Variants in RC3H1 observed in about 807,000 individuals in gnomAD.
The protein encoded by RC3H1 is ring finger and CCCH-type domains 1, also known as roquin-1.
Under a neutral mutation model 138.2 loss-of-function variants are expected in RC3H1, and 50 were observed. That is an observed-to-expected ratio of 0.36 (90% CI 0.29 to 0.46). RC3H1 has a LOEUF of 0.46. Ranked by LOEUF, RC3H1 falls within the 20% of genes least tolerant of loss-of-function variation. The probability of loss-of-function intolerance (pLI) is 1.00; values close to 1 mark genes in which losing one functional copy is unlikely to be tolerated. For synonymous variants in RC3H1, 462 were observed against 489.1 expected (o/e 0.94, Z 0.73); for missense variants, 1,031 against 1,388.1 (o/e 0.74, Z 4.09).
At chr1:173,963,946 T>A in intron 11 of RC3H1, 27 bp downstream of exon 11, 4 of 1,587,284 alleles carry the variant, frequency 2.5e-6, no homozygotes, top group Non-Finnish European at 3.5e-6. Context: ...CTAAGAAAAG[T>A]TAGCAATATA....
chr1:173,972,181 A>G (rs1451232425), intron 8 of RC3H1, among the ~76,000 whole-genome samples: 1 of 152,224 alleles, frequency 6.6e-6, no homozygotes, highest in Non-Finnish European at 1.5e-5. Flanking sequence ...AACTAAAGAG[A>G]ATAATAATCT....
chr1:174,006,724 A>G (rs1416926584), intron 1 of RC3H1, among the ~76,000 whole-genome samples: 2 of 152,210 alleles, frequency 1.3e-5, no homozygotes, highest in Admixed American at 6.5e-5. Flanking sequence ...TGTTTATTAA[A>G]AAGAAAAAAT....
intron 17 of RC3H1, among the ~76,000 whole-genome samples, chr1:173,945,479 A>G (rs1191518110): frequency 6.6e-6 from 1 of 152,120 alleles, no homozygotes; most frequent in Non-Finnish European, 1.5e-5. Flanking sequence ...AGCATGATGG[A>G]AAGAACACTG....
Position 173,941,480 on chromosome 1 carries a change from T to A in RC3H1, c.3136-100A>T, listed in dbSNP as rs1337739887. ...ATACAAAGTGATGATCCAGAAATCATATTCAATTTTGTAAAATAACCAAAG... is the reference window on the plus strand; with the variant it reads ...ATACAAAGTGATGATCCAGAAATCAAATTCAATTTTGTAAAATAACCAAAG... On this transcript the variant is annotated intron_variant, in intron 18 of 19. Coordinates refer to ENST00000367696, the MANE Select transcript of RC3H1 (RefSeq NM_172071.4). 3 of 710,506 alleles carry A rather than the reference T, an allele frequency of 4.2e-6. No individual in the cohort carries two copies. The East Asian group carries it at 7.7e-5, about 18-fold the overall frequency. The allele number at this position is 710,506 out of a possible 1,614,324, so 44.0% of individuals were successfully genotyped here.
chr1:173,990,881 C>T (rs560693299), intron 2 of RC3H1, among the ~76,000 whole-genome samples: 8 of 152,270 alleles, frequency 5.3e-5, no homozygotes, highest in South Asian at 2.1e-4. Flanking sequence ...GGATTACAGG[C>T]GTGAACCACT....
At chr1:173,950,468 T>C (rs1346751576) in intron 14 of RC3H1, among the ~76,000 whole-genome samples, 2 of 145,002 alleles carry the variant, frequency 1.4e-5, no homozygotes, top group African/African-American at 2.7e-5. Flanking sequence ...CACACATCTG[T>C]GTCCCAGCTA....
Position 173,938,771 on chromosome 1 carries a change from C to T in RC3H1, c.3352G>A (p.Asp1118Asn), listed in dbSNP as rs990451693. 7.4e-6 allele frequency: 12 copies of T among 1,613,208 alleles called. No homozygotes were observed. Among genetic ancestry groups the T allele is most frequent in the Non-Finnish European group, 1.0e-5 (12 of 1,179,306 alleles). ...NLSEDPEGGGDNNDSQRSGVT... is the reference protein window; with the variant it reads ...NLSEDPEGGGNNNDSQRSGVT... ...CCTGATCTCTGGGAGTCATTATTAT[C>T]CCCTCCTCCCTCAGGGTCCTCTGAC... Residue 1118 changes from aspartate (D) to asparagine (N), a missense_variant, in exon 20 of 20, where the codon GAT becomes AAT. Coordinates refer to ENST00000367696, the MANE Select transcript of RC3H1 (RefSeq NM_172071.4).
At chr1:173,959,256 G>GTATTT (rs1457594842) in intron 13 of RC3H1, among the ~76,000 whole-genome samples, 33 of 152,160 alleles carry the variant, frequency 2.2e-4, no homozygotes, top group African/African-American at 7.5e-4. Context: ...CAAGCCTGCT[G>GTATTT]AATAGAAGGG....
chr1:173,980,492 T>C (rs1226417302), intron 6 of RC3H1, among the ~76,000 whole-genome samples: 1 of 151,986 alleles, frequency 6.6e-6, no homozygotes, highest in East Asian at 1.9e-4. Flanking sequence ...AAATGTTCAT[T>C]ATTTTTTTTT....
At chr1:173,986,631 C>T (rs572835954) in intron 2 of RC3H1, among the ~76,000 whole-genome samples, 3 of 152,196 alleles carry the variant, frequency 2.0e-5, no homozygotes, top group South Asian at 2.1e-4. Flanking sequence ...GGCACAATCT[C>T]GGCTCACTGC....
At chr1:174,019,874 G>A (rs1661926321) in intron 1 of RC3H1, among the ~76,000 whole-genome samples, 1 of 151,760 alleles carries the variant, frequency 6.6e-6, no homozygotes, top group Non-Finnish European at 1.5e-5. Flanking sequence ...TAAATTGCTG[G>A]GTCAATAACC....
At chr1:174,016,771 A>G (rs1233162405) in intron 1 of RC3H1, among the ~76,000 whole-genome samples, 2 of 152,112 alleles carry the variant, frequency 1.3e-5, no homozygotes, top group Non-Finnish European at 2.9e-5. Flanking sequence ...AATTTAAGAT[A>G]ACAATATATT....
rs373008233 is a variant in RC3H1, at chr1:173,964,058, C to T, written c.1746G>A (p.Gln582=). 3.3e-5 allele frequency: 53 copies of T among 1,614,054 alleles called. No individual in the cohort carries two copies. Among genetic ancestry groups the T allele is most frequent in the Non-Finnish European group, 4.3e-5 (51 of 1,180,036 alleles). Residue 582 remains glutamine, a synonymous_variant, in exon 11 of 20, where the codon CAG becomes CAA. Coordinates refer to ENST00000367696, the MANE Select transcript of RC3H1 (RefSeq NM_172071.4). ...KPLQMVPRGS[Q]LYPAQQTDVY... Reference sequence around the variant, plus strand: ...CATCCGTCTGTTGTGCTGGATATAACTGAGAACCTCGAGGTACCATCTGAA... The same window carrying T: ...CATCCGTCTGTTGTGCTGGATATAATTGAGAACCTCGAGGTACCATCTGAA...
At chr1:174,004,443 T>TA (rs1461402193) in intron 1 of RC3H1, among the ~76,000 whole-genome samples, 1 of 151,982 alleles carries the variant, frequency 6.6e-6, no homozygotes, top group Non-Finnish European at 1.5e-5. Flanking sequence ...AATACACAAA[T>TA]ACGTATGTTA....
intron 1 of RC3H1, among the ~76,000 whole-genome samples, chr1:174,003,196 G>C (rs961148): frequency 0.29 from 43,885 of 151,982 alleles, 11,340 homozygotes; most frequent in African/African-American, 0.7. Flanking sequence ...AGACCAGCCT[G>C]GCCAACGTGG....
rs1658481542 is a variant in RC3H1, at chr1:173,933,934, T to G, written c.*4787A>C. On this transcript the variant is annotated 3_prime_UTR_variant, in exon 20 of 20. Coordinates refer to ENST00000367696, the MANE Select transcript of RC3H1 (RefSeq NM_172071.4). ...ATCATCAGTTAAAAATTTAACACAC[T>G]TAGACTCTTATTAGGGGGAAAAAAT... The G allele has an allele frequency of 7.2e-6, 1 of 138,322 alleles. No individual in the cohort carries two copies. The highest frequency in any genetic ancestry group is 3.5e-5 in the African/African-American group (1 of 28,530). 8.6% of individuals were successfully genotyped at this position (138,322 alleles called of 1,614,324 possible).
chr1:174,000,006 C>T (rs1226793687), intron 1 of RC3H1, among the ~76,000 whole-genome samples: 3 of 152,162 alleles, frequency 2.0e-5, no homozygotes, highest in African/African-American at 7.2e-5. Context: ...GTAATTATGG[C>T]AAGGGAGCTC....
At position 173,965,015 on chromosome 1, in the gene RC3H1, T is replaced by C. The variant is rs117014937; in HGVS notation, c.1440A>G (p.Glu480=). 3.3e-4 allele frequency: 527 copies of C among 1,614,180 alleles called. 7 individuals are homozygous for C. The East Asian group carries it at 0.011, about 33-fold the overall frequency. ...TTCTGCTAGGGAGATCCACTGCACC[T>C]TCATCTGGAAGGATAGCTGCTGAAG... ...GLPSAAILPD[E]GAVDLPSRKP... Residue 480 remains glutamate (E), a synonymous_variant, in exon 10 of 20, where the codon GAA becomes GAG. Coordinates refer to ENST00000367696, the MANE Select transcript of RC3H1 (RefSeq NM_172071.4).
chr1:173,942,895 C>G (rs1339738559), intron 18 of RC3H1, among the ~76,000 whole-genome samples: 5 of 151,966 alleles, frequency 3.3e-5, no homozygotes, highest in African/African-American at 1.2e-4. Flanking sequence ...GAGGAAGCCC[C>G]TAAGATTCAA....
Sources: allele counts gnomAD v4.1 joint callset (sites outside exome capture counted in the v4.1 genomes callset), GRCh38; gene constraint gnomAD v4.1.1; transcripts MANE v1.5; gene names NCBI Gene and HGNC (gene_info 2026-07-23, HGNC 2026-07-21).